The following OTOGL variants were observed in gnomAD, a reference collection of about 807,000 sequenced individuals.
OTOGL encodes otogelin like.
A neutral mutation model predicts 318.5 loss-of-function variants in OTOGL; 285 were observed. The observed-to-expected ratio is 0.89, with a 90% CI of 0.81 to 0.99. The LOEUF is 0.99. Among genes scored for constraint, OTOGL ranks in the 50% least tolerant of loss-of-function variants. The pLI, the probability that OTOGL is intolerant of heterozygous loss-of-function variation, is 0.00. For missense variants in OTOGL, 2,899 were observed against 2,845.6 expected (o/e 1.02, Z -0.43); for synonymous variants, 987 against 936.5 (o/e 1.05, Z -0.99).
chr12:80,299,628 C>CCTCT (rs1011350246), intron 27 of OTOGL, among the ~76,000 whole-genome samples: 1 of 149,192 alleles, frequency 6.7e-6, no homozygotes, highest in African/African-American at 2.5e-5. Flanking sequence ...AAAAAAACCA[C>CCTCT]CTCTGTTATT....
intron 55 of OTOGL, among the ~76,000 whole-genome samples, chr12:80,370,115 T>C (rs540880692): frequency 6.6e-6 from 1 of 152,064 alleles, no homozygotes; most frequent in South Asian, 2.1e-4. Flanking sequence ...TTTTTGGCAA[T>C]AAGGGAGTAG....
chr12:80,131,360 T>G (rs552670987), intron 1 of OTOGL, among the ~76,000 whole-genome samples: 1 of 152,290 alleles, frequency 6.6e-6, no homozygotes, highest in East Asian at 1.9e-4. Context: ...GCTGGAGGCT[T>G]TCCCAAAAGG....
intron 38 of OTOGL, 23 bp downstream of exon 38, chr12:80,333,101 A>G (rs966004654): frequency 6.4e-7 from 1 of 1,551,562 alleles, no homozygotes; most frequent in Non-Finnish European, 8.8e-7. Flanking sequence ...AATATCTTCC[A>G]GCTCTTTGTC....
At chr12:80,330,938 G>A (rs1888028815) in intron 37 of OTOGL, among the ~76,000 whole-genome samples, 1 of 152,124 alleles carries the variant, frequency 6.6e-6, no homozygotes, top group Non-Finnish European at 1.5e-5. Context: ...TGTAAAATTT[G>A]TACCATAAAA....
chr12:80,333,798 TA>T (rs1314715583), intron 38 of OTOGL, among the ~76,000 whole-genome samples: 9 of 152,046 alleles, frequency 5.9e-5, no homozygotes, highest in Non-Finnish European at 1.2e-4. Context: ...CTGCAAATGT[TA>T]AGAGAGTGAA....
chr12:80,155,750 C>T (rs998682158), intron 1 of OTOGL, among the ~76,000 whole-genome samples: 16 of 152,108 alleles, frequency 1.1e-4, no homozygotes, highest in Non-Finnish European at 2.9e-5. Context: ...ATTAATCATC[C>T]CCACCTCCCA....
chr12:80,306,066 T>C (rs1886087377), intron 29 of OTOGL, among the ~76,000 whole-genome samples: 2 of 152,188 alleles, frequency 1.3e-5, no homozygotes, highest in South Asian at 4.1e-4. Flanking sequence ...CTTTTGCCAG[T>C]TCAAAGCAAT....
At chr12:80,100,446 T>C (rs1869071308) in intron 1 of OTOGL, among the ~76,000 whole-genome samples, 1 of 152,166 alleles carries the variant, frequency 6.6e-6, no homozygotes, top group Non-Finnish European at 1.5e-5. Context: ...CCCATAAATA[T>C]GTATAACTAT....
chr12:80,143,232 T>C (rs1872071756), intron 1 of OTOGL, among the ~76,000 whole-genome samples: 1 of 152,174 alleles, frequency 6.6e-6, no homozygotes. Flanking sequence ...TATAGAGTGT[T>C]ACATAATAAC....
chr12:80,278,297 A>C, intron 25 of OTOGL, 22 bp downstream of exon 25: 46 of 1,459,958 alleles, frequency 3.2e-5, no homozygotes, highest in Non-Finnish European at 4.2e-5. Flanking sequence ...CATTTATTTC[A>C]CAAATATTTT....
At chr12:80,239,069 C>A in intron 10 of OTOGL, 91 bp downstream of exon 10, 4 of 1,327,148 alleles carry the variant, frequency 3.0e-6, no homozygotes, top group South Asian at 1.8e-5. Flanking sequence ...AGTGTAAACA[C>A]AACATAATTT....
In OTOGL at chr12:80,320,484, A is replaced by C. The variant is rs757588312; in HGVS notation, c.3865A>C (p.Asn1289His). 6.2e-7 allele frequency: 1 copy of C among 1,613,518 alleles called. No individual in the cohort carries two copies. The highest frequency in any genetic ancestry group is 8.5e-7 in the Non-Finnish European group (1 of 1,179,680). The change falls in exon 34 of 59, where the codon AAT becomes CAT. Residue 1289 changes from asparagine to histidine, a missense_variant. Asn to His is a moderately conservative substitution (Grantham distance 68). Coordinates refer to ENST00000547103, the MANE Select transcript of OTOGL (RefSeq NM_001378609.3). ...AAACTACTTTCTCTATGTCCATGAC[A>C]ATGATACTCTTAGCTTGGAGCTGTG... The part of the protein sequence containing the change: ...RPNYFLYVHD[N>H]DTLSLELWEA...
chr12:80,270,052 A>T, intron 22 of OTOGL, 50 bp from the exon 23 acceptor site: 1 of 1,411,864 alleles, frequency 7.1e-7, no homozygotes, highest in Non-Finnish European at 9.8e-7. Flanking sequence ...AGGGAAAAAA[A>T]AAAAAACAAC....
Position 80,266,554 on chromosome 12 carries a change from T to G in OTOGL, c.2328T>G (p.Ala776=). 6 of 1,613,636 alleles carry G rather than the reference T, an allele frequency of 3.7e-6. No homozygotes were observed. The highest frequency in any genetic ancestry group is 5.1e-6 in the Non-Finnish European group (6 of 1,179,764). The change falls in exon 21 of 59, where the codon GCT becomes GCG. Residue 776 remains alanine (A), a synonymous_variant. Coordinates refer to ENST00000547103, the MANE Select transcript of OTOGL (RefSeq NM_001378609.3). ...SSPEQCSDDC[A]EGCNCPEGKF... Reference sequence around the variant, plus strand: ...CGGAGCAGTGCAGTGATGACTGTGCTGAAGGCTGTAATTGTCCGGAAGGCA... The same window carrying G: ...CGGAGCAGTGCAGTGATGACTGTGCGGAAGGCTGTAATTGTCCGGAAGGCA...
chr12:80,258,038 G>T, intron 18 of OTOGL, 36 bp downstream of exon 18: 2 of 1,490,978 alleles, frequency 1.3e-6, no homozygotes, highest in South Asian at 1.3e-5. Context: ...CATACTTAAT[G>T]ACTGGTCATT....
intron 1 of OTOGL, among the ~76,000 whole-genome samples, chr12:80,157,931 CT>C (rs1217492565): frequency 2.0e-5 from 3 of 152,048 alleles, no homozygotes; most frequent in Non-Finnish European, 4.4e-5. Flanking sequence ...GTGGTTTCTA[CT>C]TTCCTGGTGG....
At chr12:80,222,022 G>T in intron 6 of OTOGL, 69 bp from the exon 7 acceptor site, 1 of 1,455,278 alleles carries the variant, frequency 6.9e-7, no homozygotes, top group South Asian at 1.3e-5. Flanking sequence ...CATTTACCAT[G>T]ACTGACTGAA....
Position 80,352,231 on chromosome 12 carries a change from C to A in OTOGL, c.5266-64C>A. The A allele has an allele frequency of 4.3e-6, 6 of 1,394,622 alleles. No individual in the cohort carries two copies. The South Asian group carries it at 7.2e-5, about 17-fold the overall frequency. 86.4% of individuals were successfully genotyped at this position (1,394,622 alleles called of 1,614,324 possible). On this transcript the variant is annotated intron_variant, in intron 44 of 58. Coordinates refer to ENST00000547103, the MANE Select transcript of OTOGL (RefSeq NM_001378609.3). ...CTTTGATTCTCCAAATAATCTTAGT[C>A]TAGCTTAGGGCTTTCAGAGAAATAA...
intron 1 of OTOGL, among the ~76,000 whole-genome samples, chr12:80,184,274 G>A (rs1299547388): frequency 6.6e-6 from 1 of 152,110 alleles, no homozygotes; most frequent in African/African-American, 2.4e-5. Flanking sequence ...AGCCACACCA[G>A]GCTTAACTTC....
Sources: gnomAD v4.1 joint callset for allele counts (sites outside exome capture counted in the v4.1 genomes callset) on GRCh38, gnomAD v4.1.1 for gene constraint, MANE v1.5 for transcripts, NCBI Gene and HGNC (gene_info 2026-07-23, HGNC 2026-07-21) for gene names.